The following FBXW4 variants were observed in gnomAD, a reference collection of about 807,000 sequenced individuals.
FBXW4 encodes the protein F-box/WD repeat-containing protein 4.
Under a neutral mutation model 61.8 loss-of-function variants are expected in FBXW4, and 40 were observed. The ratio of observed to expected loss-of-function variants is 0.65; its 90% CI spans 0.50 to 0.84. The LOEUF (loss-of-function observed/expected upper bound fraction) is 0.84, where lower values mean the gene tolerates loss of function less well. FBXW4 is among the 40% of genes least tolerant of loss of function. FBXW4 has a pLI of 0.00. For synonymous variants in FBXW4, 311 were observed against 313.8 expected (o/e 0.99, Z 0.10); for missense variants, 672 against 753.8 (o/e 0.89, Z 1.27).
chr10:101,654,107 G>A (rs953174590), intron 5 of FBXW4, among the ~76,000 whole-genome samples: 4 of 111,332 alleles, frequency 3.6e-5, no homozygotes, highest in African/African-American at 7.2e-5. Flanking sequence ...GCGACAGAGC[G>A]AGACTCCGTC....
chr10:101,673,752 C>A, intron 2 of FBXW4, 79 bp from the exon 3 acceptor site: 1 of 1,362,064 alleles, frequency 7.3e-7, no homozygotes, highest in South Asian at 1.3e-5. Context: ...AAGAAGCTGA[C>A]CAATCCCCAA....
intron 6 of FBXW4, among the ~76,000 whole-genome samples, chr10:101,614,880 TGGCACCGTG>T (rs911651219): frequency 6.6e-6 from 1 of 151,922 alleles, no homozygotes; most frequent in African/African-American, 2.4e-5. Flanking sequence ...CAAACAGAAA[TGGCACCGTG>T]GGCCCTTCTC....
chr10:101,658,630 C>A (rs1267891481), intron 5 of FBXW4, among the ~76,000 whole-genome samples: 1 of 152,132 alleles, frequency 6.6e-6, no homozygotes, highest in Non-Finnish European at 1.5e-5. Context: ...AAAATCTGCT[C>A]CAAGTGGCCT....
At chr10:101,612,583 T>C in intron 6 of FBXW4, 106 bp from the exon 7 acceptor site, 1 of 1,258,566 alleles carries the variant, frequency 7.9e-7, no homozygotes, top group Non-Finnish European at 1.1e-6. Context: ...TTTCCTCAGC[T>C]AGAATGAGAC....
intron 5 of FBXW4, among the ~76,000 whole-genome samples, chr10:101,632,379 G>C (rs1284420396): frequency 6.6e-6 from 1 of 152,148 alleles, no homozygotes; most frequent in African/African-American, 2.4e-5. Context: ...CAGCAAAGCA[G>C]GGTTTCTGCG....
chr10:101,656,450 G>A (rs1029978718), intron 5 of FBXW4, among the ~76,000 whole-genome samples: 4 of 152,226 alleles, frequency 2.6e-5, no homozygotes, highest in Admixed American at 2.6e-4. Flanking sequence ...TCTTAAGAGA[G>A]AACACATAAA....
intron 6 of FBXW4, 84 bp downstream of exon 6, chr10:101,624,661 C>T (rs2063893145): frequency 4.1e-6 from 6 of 1,477,584 alleles, no homozygotes; most frequent in Non-Finnish European, 5.7e-6. Flanking sequence ...CTGGACCACT[C>T]AGCCAACTGA....
chr10:101,679,097 T>C (rs766505338), intron 1 of FBXW4, among the ~76,000 whole-genome samples: 2 of 152,184 alleles, frequency 1.3e-5, no homozygotes, highest in Non-Finnish European at 2.9e-5. Flanking sequence ...GATAAGTATA[T>C]ATGCATGTTG....
intron 5 of FBXW4, among the ~76,000 whole-genome samples, chr10:101,664,096 A>C (rs2064272326): frequency 6.6e-6 from 1 of 152,174 alleles, no homozygotes; most frequent in African/African-American, 2.4e-5. Flanking sequence ...TTTACAAATC[A>C]AGAACTCAAA....
At chr10:101,645,082 C>T (rs56053113) in intron 5 of FBXW4, among the ~76,000 whole-genome samples, 1 of 152,304 alleles carries the variant, frequency 6.6e-6, no homozygotes, top group Middle Eastern at 3.4e-3. Context: ...CTTCAATGGC[C>T]TGGGCTGGCT....
At chr10:101,662,852 C>T (rs1012711892) in intron 5 of FBXW4, among the ~76,000 whole-genome samples, 4 of 152,310 alleles carry the variant, frequency 2.6e-5, no homozygotes, top group Non-Finnish European at 4.4e-5. Flanking sequence ...TATGCATTCA[C>T]ACTCCTGGAA....
intron 5 of FBXW4, among the ~76,000 whole-genome samples, chr10:101,653,070 A>G (rs1177847447): frequency 6.6e-6 from 1 of 152,168 alleles, no homozygotes; most frequent in Admixed American, 6.5e-5. Context: ...GTCCCATAAA[A>G]CAAAATTCAG....
chr10:101,643,810 C>T (rs998751088), intron 5 of FBXW4, among the ~76,000 whole-genome samples: 4 of 152,172 alleles, frequency 2.6e-5, no homozygotes, highest in African/African-American at 9.7e-5. Flanking sequence ...TTGAGGAAGG[C>T]GTTTTGTTGT....
chr10:101,611,169 T>G lies in FBXW4; in HGVS notation c.*122A>C. The G allele has an allele frequency of 7.6e-7, 1 of 1,321,986 alleles. No homozygotes were observed. The highest frequency in any genetic ancestry group is 1.4e-5 in the South Asian group (1 of 70,472). 81.9% of individuals were successfully genotyped at this position (1,321,986 alleles called of 1,614,324 possible). On this transcript the variant is annotated 3_prime_UTR_variant, in exon 9 of 9. Transcript: ENST00000331272. The surrounding 1 kb of genome is among the most constrained non-coding windows in gnomAD (Gnocchi z 4.9). The stretch of plus-strand genomic sequence containing the variant: ...CCTCTAGTGCAAGGTGCCTGAGCAC[T>G]GGGGTCACAGGCCCAGGAGCACAGT...
intron 1 of FBXW4, among the ~76,000 whole-genome samples, chr10:101,685,068 G>A (rs995428110): frequency 1.3e-5 from 2 of 152,034 alleles, no homozygotes; most frequent in East Asian, 1.9e-4. Context: ...TCTCTTCCAC[G>A]TTCATTCATA....
At chr10:101,624,840 T>C in intron 5 of FBXW4, 30 bp from the exon 6 acceptor site, 1 of 1,613,444 alleles carries the variant, frequency 6.2e-7, no homozygotes, top group Non-Finnish European at 8.5e-7. Flanking sequence ...CAAAGTCAGA[T>C]CTGGCTTGTC....
At chr10:101,685,299 T>C (rs1447724262) in intron 1 of FBXW4, among the ~76,000 whole-genome samples, 1 of 152,232 alleles carries the variant, frequency 6.6e-6, no homozygotes, top group Non-Finnish European at 1.5e-5. Context: ...GCTAATTTAG[T>C]CATAAATTCC....
At chr10:101,668,162 T>G (rs1341129793) in intron 4 of FBXW4, among the ~76,000 whole-genome samples, 182 bp from the exon 5 acceptor site, 1 of 152,222 alleles carries the variant, frequency 6.6e-6, no homozygotes, top group African/African-American at 2.4e-5. Flanking sequence ...CCCCCGCAGA[T>G]AGGCCCTAGC....
intron 6 of FBXW4, among the ~76,000 whole-genome samples, chr10:101,620,251 GA>G (rs2063857802): frequency 1.3e-5 from 2 of 152,226 alleles, no homozygotes; most frequent in South Asian, 4.1e-4. Context: ...GTTACTGAAA[GA>G]TCAAACTTTG....
Sources: gnomAD v4.1 joint callset for allele counts (sites outside exome capture counted in the v4.1 genomes callset) on GRCh38, gnomAD v4.1.1 for gene constraint, Gnocchi (gnomAD v3.1) non-coding constraint, MANE v1.5 for transcripts, NCBI Gene and HGNC (gene_info 2026-07-23, HGNC 2026-07-21) for gene names.